TMEM217: variants seen among roughly 807,000 people sequenced by gnomAD.
TMEM217 encodes the protein chromosome 6 open reading frame 128.
For synonymous variants in TMEM217, 76 were observed against 88.3 expected (o/e 0.86, Z 0.78); for missense variants, 204 against 248.8 (o/e 0.82, Z 1.21).
At chr6:37,217,380 G>C (rs1310587158), downstream of TMEM217, among the ~76,000 whole-genome samples, 9 of 152,200 alleles carry the variant, frequency 5.9e-5, no homozygotes, top group African/African-American at 1.7e-4. Flanking sequence ...ATCATATACT[G>C]TCTTATATGA....
chr6:37,248,239 A>G (rs940208227), intron 1 of TMEM217, among the ~76,000 whole-genome samples: 1 of 152,060 alleles, frequency 6.6e-6, no homozygotes, highest in Admixed American at 6.5e-5. Flanking sequence ...TAGATTATAC[A>G]CTTGTTGAGG....
chr6:37,245,615 C>T (rs955304845), intron 1 of TMEM217, among the ~76,000 whole-genome samples: 2 of 152,022 alleles, frequency 1.3e-5, no homozygotes, highest in Non-Finnish European at 2.9e-5. Context: ...GGAAATTCTC[C>T]GTATGTGGGA....
chr6:37,227,085 C>T (rs1380361659), intron 1 of TMEM217, among the ~76,000 whole-genome samples: 5 of 152,242 alleles, frequency 3.3e-5, no homozygotes, highest in Non-Finnish European at 7.3e-5. Context: ...GAACTCACAA[C>T]TTTCTGCCTC....
At chr6:37,214,572 T>A (rs114656614), downstream of TMEM217, among the ~76,000 whole-genome samples, 2,900 of 152,134 alleles carry the variant, frequency 0.019, 63 homozygotes, top group Middle Eastern at 0.068. Context: ...TCTGTACCCA[T>A]TATAAACATC....
At chr6:37,239,891 TAA>T (rs35304138) in intron 1 of TMEM217, among the ~76,000 whole-genome samples, 56 of 133,560 alleles carry the variant, frequency 4.2e-4, no homozygotes, top group Admixed American at 4.5e-4. Context: ...CCCAGCTCAT[TAA>T]AAAAAAAAAA....
chr6:37,253,737 G>A (rs1001031597), intron 1 of TMEM217, among the ~76,000 whole-genome samples: 6 of 152,136 alleles, frequency 3.9e-5, no homozygotes, highest in Non-Finnish European at 8.8e-5. Context: ...CTCTCTGTAA[G>A]TCCAAAGGCT....
At chr6:37,225,285 G>A (rs568248252) in intron 1 of TMEM217, among the ~76,000 whole-genome samples, 3 of 152,240 alleles carry the variant, frequency 2.0e-5, no homozygotes, top group Non-Finnish European at 4.4e-5. Flanking sequence ...GCAAGGGGCA[G>A]GGATAGGGGC....
intron 1 of TMEM217, among the ~76,000 whole-genome samples, chr6:37,230,105 T>C (rs1482080567): frequency 6.6e-6 from 1 of 152,220 alleles, no homozygotes; most frequent in African/African-American, 2.4e-5. Context: ...TTCCAGGCCT[T>C]GCTCCTGAGC....
At chr6:37,237,810 A>G (rs920913143) in intron 1 of TMEM217, among the ~76,000 whole-genome samples, 3 of 152,202 alleles carry the variant, frequency 2.0e-5, no homozygotes, top group Non-Finnish European at 4.4e-5. Context: ...TTCTCTATAT[A>G]TATACACACA....
intron 1 of TMEM217, among the ~76,000 whole-genome samples, chr6:37,247,389 C>CT (rs11323017): frequency 7.0e-5 from 9 of 127,756 alleles, no homozygotes; most frequent in East Asian, 2.2e-4. Context: ...AACTTTTTTA[C>CT]TTTTTTTTTT....
chr6:37,228,193 T>A (rs964872586), intron 1 of TMEM217, among the ~76,000 whole-genome samples: 3 of 152,088 alleles, frequency 2.0e-5, no homozygotes, highest in Admixed American at 2.0e-4. Flanking sequence ...CCCAGGAATT[T>A]GAGGCCAGCC....
intron 1 of TMEM217, among the ~76,000 whole-genome samples, chr6:37,242,206 T>G (rs200747897): frequency 9.5e-4 from 144 of 152,196 alleles, no homozygotes; most frequent in Admixed American, 2.9e-3. Flanking sequence ...TAGAGCTCAG[T>G]CCCCAGCCAA....
chr6:37,237,037 A>G (rs567867196), intron 1 of TMEM217, among the ~76,000 whole-genome samples: 1 of 152,312 alleles, frequency 6.6e-6, no homozygotes, highest in Admixed American at 6.5e-5. Flanking sequence ...AGCAAGCCAG[A>G]TGGAAGCTGT....
Position 37,241,406 on chromosome 6 carries a change from G to T in TMEM217, c.-12+16162C>A, listed in dbSNP as rs1408142701. ...CAAGGAGGGAAGCAGGACCTCAAAA[G>T]CGACATCTCAGCATTGTACCTGGAG... is the stretch of plus-strand genomic sequence containing the variant. On this transcript the variant is annotated intron_variant, in intron 1 of 1. Transcript: ENST00000357219. Among the ~76,000 whole-genome samples, 5 of 152,294 alleles carry T rather than the reference G, an allele frequency of 3.3e-5. No homozygotes were observed. In the East Asian group the frequency reaches 9.6e-4, roughly 29 times the overall value.
chr6:37,216,071 TTTTA>T (rs375106547), downstream of TMEM217, among the ~76,000 whole-genome samples: 4 of 151,768 alleles, frequency 2.6e-5, no homozygotes, highest in Admixed American at 2.0e-4. Context: ...CAGATTTGAA[TTTTA>T]TTTATTTATT....
At chr6:37,256,743 G>A (rs1677458722) in intron 1 of TMEM217, among the ~76,000 whole-genome samples, 1 of 144,470 alleles carries the variant, frequency 6.9e-6, no homozygotes, top group Non-Finnish European at 1.5e-5. Flanking sequence ...GTAAATGGAG[G>A]GTGGGGGTGG....
At chr6:37,229,646 G>T (rs903105263) in intron 1 of TMEM217, among the ~76,000 whole-genome samples, 8 of 152,054 alleles carry the variant, frequency 5.3e-5, no homozygotes, top group Admixed American at 3.3e-4. Context: ...CGGCCAATGT[G>T]CAACTTTCAG....
intron 1 of TMEM217, among the ~76,000 whole-genome samples, chr6:37,240,117 G>A (rs1181447773): frequency 6.6e-6 from 1 of 152,166 alleles, no homozygotes; most frequent in East Asian, 1.9e-4. Context: ...TGACTGTTTT[G>A]CCCTCTGAAC....
At chr6:37,213,180 C>A (rs1356576685), downstream of TMEM217, among the ~76,000 whole-genome samples, 2 of 152,176 alleles carry the variant, frequency 1.3e-5, no homozygotes, top group Non-Finnish European at 1.5e-5. Context: ...TAGATGTGAC[C>A]ACATCATTGA....
Sources: gnomAD v4.1 joint callset for allele counts (sites outside exome capture counted in the v4.1 genomes callset) on GRCh38, gnomAD v4.1.1 for gene constraint, MANE v1.5 for transcripts, NCBI Gene and HGNC (gene_info 2026-07-23, HGNC 2026-07-21) for gene names.